DIS3L2: variants seen among roughly 807,000 people sequenced by gnomAD.
The protein encoded by DIS3L2 is DIS3 like 3'-5' exoribonuclease 2, also known as DIS3-like exonuclease 2.
Under a neutral mutation model 97.5 loss-of-function variants are expected in DIS3L2, and 34 were observed. That is an observed-to-expected ratio of 0.35 (90% confidence interval 0.27 to 0.46). The LOEUF is 0.46. DIS3L2 is among the 20% of genes least tolerant of loss of function. DIS3L2 has a pLI of 1.00. For missense variants in DIS3L2, 1,038 were observed against 1,146.0 expected (o/e 0.91, Z 1.36); for synonymous variants, 435 against 445.2 (o/e 0.98, Z 0.29).
intron 14 of DIS3L2, among the ~76,000 whole-genome samples, chr2:232,316,305 C>A: frequency 6.6e-6 from 1 of 152,216 alleles, no homozygotes; most frequent in South Asian, 2.1e-4. Flanking sequence ...TTGTTCCTTA[C>A]GATTATGTCC....
At chr2:232,338,664 G>GCCTT (rs576574037), downstream of DIS3L2, among the ~76,000 whole-genome samples, 1,980 of 152,142 alleles carry the variant, frequency 0.013, 10 homozygotes, top group African/African-American at 0.045. Flanking sequence ...AGGCAGCCCA[G>GCCTT]CCTTCTCCCC....
intron 1 of DIS3L2, among the ~76,000 whole-genome samples, chr2:231,981,862 C>T (rs951946605): frequency 6.0e-5 from 9 of 150,286 alleles, no homozygotes; most frequent in African/African-American, 1.5e-4. Context: ...GGAGAAACTC[C>T]GTCTCTACTA....
chr2:232,087,526 G>A lies in DIS3L2; in HGVS notation c.406G>A (p.Ala136Thr), dbSNP rs764787643. The A allele has an allele frequency of 3.1e-6, 5 of 1,613,794 alleles. No individual in the cohort carries two copies. In the South Asian group the frequency reaches 4.4e-5, roughly 14 times the overall value. The change falls in exon 6 of 21, where the codon GCG (alanine) becomes ACG (threonine). Residue 136 changes from alanine to threonine, a missense_variant. By Grantham distance (58) the Ala-to-Thr change is moderately conservative. Transcript: ENST00000325385. ...GAGCAATGACAAAGAAACAGAAGCTGCGTATGAATCAGATATCCCCGAGGA... is the reference window on the plus strand; with the variant it reads ...GAGCAATGACAAAGAAACAGAAGCTACGTATGAATCAGATATCCCCGAGGA... ...PESNDKETEA[A>T]YESDIPEELC... is the part of the protein sequence containing the mutation.
At chr2:232,029,114 A>G (rs1044483525) in intron 4 of DIS3L2, among the ~76,000 whole-genome samples, 1 of 152,118 alleles carries the variant, frequency 6.6e-6, no homozygotes, top group Non-Finnish European at 1.5e-5. Flanking sequence ...AAGTGTCTCT[A>G]TTAGAAAAAT....
At chr2:232,067,391 C>T (rs765946437) in intron 5 of DIS3L2, among the ~76,000 whole-genome samples, 24 of 151,810 alleles carry the variant, frequency 1.6e-4, no homozygotes, top group Non-Finnish European at 2.9e-4. Context: ...TTTCTTTGAC[C>T]CATTCTTTAT....
chr2:232,105,895 C>A (rs936179874), intron 6 of DIS3L2, among the ~76,000 whole-genome samples: 2 of 152,156 alleles, frequency 1.3e-5, no homozygotes, highest in Non-Finnish European at 2.9e-5. Flanking sequence ...TTTCCGGCAC[C>A]TTTTCCAATA....
intron 6 of DIS3L2, among the ~76,000 whole-genome samples, chr2:232,112,716 C>T (rs1424686128): frequency 3.3e-5 from 5 of 152,044 alleles, no homozygotes; most frequent in Non-Finnish European, 7.4e-5. Context: ...GGAACAGAGG[C>T]TCTAGCAACT....
chr2:232,329,786 C>CCCCGGGGGGGA, intron 14 of DIS3L2, 27 bp from the exon 15 acceptor site: 1 of 430,232 alleles, frequency 2.3e-6, no homozygotes. Flanking sequence ...CCCCAGCGGT[C>CCCCGGGGGGGA]CCTCCCATCC....
At chr2:232,144,302 A>G (rs1229875466) in intron 8 of DIS3L2, among the ~76,000 whole-genome samples, 1 of 152,070 alleles carries the variant, frequency 6.6e-6, no homozygotes, top group East Asian at 1.9e-4. Flanking sequence ...ATTGCTCCAC[A>G]TTCTTATTTA....
chr2:232,174,005 G>A (rs1691074779), intron 9 of DIS3L2, among the ~76,000 whole-genome samples: 1 of 152,144 alleles, frequency 6.6e-6, no homozygotes, highest in Non-Finnish European at 1.5e-5. Context: ...ATTGCTCTGA[G>A]TCTGTAGATC....
rs1205807071 is a variant in DIS3L2, at chr2:232,292,198, A to G, written c.1660-7842A>G. ...GCTGGGATCCAAAATAAGGTCACAT[A>G]TCTTTTAATAGTTACATTAAAAGAC... is the stretch of plus-strand genomic sequence containing the variant. On this transcript the variant is annotated intron_variant, in intron 13 of 20. Transcript: ENST00000325385. The surrounding 1 kb of genome is among the most constrained non-coding windows in gnomAD (Gnocchi z 4.4). Among the ~76,000 whole-genome samples, 1 of 152,114 alleles carries G rather than the reference A, an allele frequency of 6.6e-6. No homozygotes were observed. Among genetic ancestry groups the G allele is most frequent in the Non-Finnish European group, 1.5e-5 (1 of 68,012 alleles).
intron 12 of DIS3L2, among the ~76,000 whole-genome samples, chr2:232,254,116 A>G (rs960344840): frequency 1.3e-5 from 2 of 152,190 alleles, no homozygotes; most frequent in Non-Finnish European, 2.9e-5. Context: ...AACAGTGACT[A>G]CTAATGCCTT....
intron 13 of DIS3L2, among the ~76,000 whole-genome samples, chr2:232,278,562 C>T (rs548435452): frequency 6.6e-6 from 1 of 152,124 alleles, no homozygotes; most frequent in Admixed American, 6.5e-5. Flanking sequence ...GGAATCATTC[C>T]GTTGGTAGCA....
At chr2:232,089,209 C>G in intron 6 of DIS3L2, among the ~76,000 whole-genome samples, 1 of 152,218 alleles carries the variant, frequency 6.6e-6, no homozygotes, top group Admixed American at 6.5e-5. Flanking sequence ...AGTACTCATT[C>G]AGAATGACTT....
intron 6 of DIS3L2, among the ~76,000 whole-genome samples, chr2:232,122,018 AAC>A (rs1697921668): frequency 6.6e-6 from 1 of 152,122 alleles, no homozygotes; most frequent in Non-Finnish European, 1.5e-5. Context: ...CCTGTTCAGA[AAC>A]CTGTCTAAGC....
At chr2:232,241,337 G>C (rs546158094) in intron 11 of DIS3L2, among the ~76,000 whole-genome samples, 1 of 152,228 alleles carries the variant, frequency 6.6e-6, no homozygotes, top group Admixed American at 6.5e-5. Flanking sequence ...GGGAAGGGGG[G>C]CTGGGGTTCC....
intron 1 of DIS3L2, among the ~76,000 whole-genome samples, chr2:231,991,157 T>G (rs1693575642): frequency 6.6e-6 from 1 of 152,104 alleles, no homozygotes; most frequent in Non-Finnish European, 1.5e-5. Context: ...TCCGCCTGTC[T>G]CGGTCTCCCA....
chr2:231,983,883 A>G (rs2106181913), intron 1 of DIS3L2, among the ~76,000 whole-genome samples: 1 of 145,974 alleles, frequency 6.9e-6, no homozygotes, highest in South Asian at 2.5e-4. Context: ...AGTGAGACTC[A>G]TCTTAAAAAA....
chr2:231,988,459 C>T (rs529760298), intron 1 of DIS3L2, among the ~76,000 whole-genome samples: 122 of 152,356 alleles, frequency 8.0e-4, no homozygotes, highest in Non-Finnish European at 1.5e-3. Flanking sequence ...CTTTCCCTAT[C>T]TATCTGTGGT....
Sources: gnomAD v4.1 joint callset for allele counts (sites outside exome capture counted in the v4.1 genomes callset) on GRCh38, gnomAD v4.1.1 for gene constraint, Gnocchi (gnomAD v3.1) non-coding constraint, MANE v1.5 for transcripts, NCBI Gene and HGNC (gene_info 2026-07-23, HGNC 2026-07-21) for gene names.